Variants in EEF1D observed in about 807,000 individuals in gnomAD.
EEF1D encodes eukaryotic translation elongation factor 1 delta.
EEF1D carries 47 observed loss-of-function variants against 63.9 expected under a neutral mutation model. The observed-to-expected ratio is 0.74, with a 90% CI of 0.58 to 0.94. The LOEUF (loss-of-function observed/expected upper bound fraction) is 0.94. Among genes scored for constraint, EEF1D ranks in the 40% least tolerant of loss-of-function variants. The probability of loss-of-function intolerance (pLI) is 0.00; values close to 1 mark genes in which losing one functional copy is unlikely to be tolerated. For missense variants in EEF1D, 907 were observed against 899.0 expected (o/e 1.01, Z -0.11); for synonymous variants, 412 against 386.1 (o/e 1.07, Z -0.79).
intron 1 of EEF1D, 101 bp from the exon 2 acceptor site, chr8:143,592,761 T>C (rs1828186762): frequency 1.1e-6 from 1 of 948,302 alleles, no homozygotes; most frequent in Admixed American, 6.2e-5. Context: ...CGGGGGCCTT[T>C]CCAGAAGCTG....
At chr8:143,592,571 C>T (rs1047738090) in intron 2 of EEF1D, 76 bp downstream of exon 2, 12 of 981,188 alleles carry the variant, frequency 1.2e-5, no homozygotes, top group Non-Finnish European at 1.5e-5. Context: ...TGCTGGGTTC[C>T]CTCAGGTGCA....
At chr8:143,591,105 G>A (rs1445506172) in intron 2 of EEF1D, among the ~76,000 whole-genome samples, 1 of 152,222 alleles carries the variant, frequency 6.6e-6, no homozygotes, top group African/African-American at 2.4e-5. Flanking sequence ...CCTCCCAGCT[G>A]GAGTCCATAC....
rs756109944 is a variant in EEF1D at position 143,579,730 on chromosome 8, C to T, written c.*62G>A. The T allele has an allele frequency of 4.3e-5, 64 of 1,502,214 alleles. 2 individuals are homozygous for T. Among genetic ancestry groups the T allele is most frequent in the South Asian group, 3.3e-4 (24 of 73,824 alleles). The allele number at this position is 1,502,214 out of a possible 1,614,324, so 93.1% of individuals were successfully genotyped here. ...AATGACCAGGACGGAGCCAGAGGGC[C>T]GGTCTCAGTCTTTAATCGTGGCAGG... On this transcript the variant is annotated 3_prime_UTR_variant, in exon 10 of 10. Coordinates refer to ENST00000618139, the MANE Select transcript of EEF1D (RefSeq NM_001130053.5).
At chr8:143,587,253 A>G (rs768188344) in intron 3 of EEF1D, 92 of 156,556 alleles carry the variant, frequency 5.9e-4, no homozygotes, top group Non-Finnish European at 1.1e-3. Flanking sequence ...AGTATTTCTC[A>G]TAAAAAAAAA....
intron 5 of EEF1D, among the ~76,000 whole-genome samples, chr8:143,585,319 G>A (rs1027052178): frequency 2.6e-5 from 4 of 152,094 alleles, no homozygotes; most frequent in East Asian, 1.9e-4. Context: ...GAGGCGGGGC[G>A]GGGATGAGGC....
At chr8:143,590,179 G>A (rs750137117) in intron 2 of EEF1D, 98 bp from the exon 3 acceptor site, 13 of 1,243,580 alleles carry the variant, frequency 1.0e-5, no homozygotes, top group Non-Finnish European at 1.2e-5. Flanking sequence ...CGCCCTCCCC[G>A]TGGCTGCCCT....
intron 2 of EEF1D, chr8:143,590,401 G>A (rs1365401992): frequency 3.2e-6 from 2 of 628,474 alleles, no homozygotes; most frequent in Non-Finnish European, 5.4e-6. Context: ...TATGGCCCAT[G>A]AAGTATCTGA....
Position 143,586,807 on chromosome 8 carries a change from G to C in EEF1D, c.1137C>G (p.Phe379Leu), listed in dbSNP as rs149825864. ...CTGCGTCGTCATATTTGAACTTGTCGAACCAGATCTTCTCATGTGCTAGGA... is the reference window on the plus strand; with the variant it reads ...CTGCGTCGTCATATTTGAACTTGTCCAACCAGATCTTCTCATGTGCTAGGA... ...TNFLAHEKIW[F>L]DKFKYDDAER... The change falls in exon 4 of 10, where the codon TTC becomes TTG. Residue 379 changes from phenylalanine (F) to leucine (L), a missense_variant. Transcript: ENST00000618139. 2 of 1,614,182 alleles carry C rather than the reference G, an allele frequency of 1.2e-6. No individual in the cohort carries two copies. The highest frequency in any genetic ancestry group is 1.7e-6 in the Non-Finnish European group (2 of 1,180,024).
chr8:143,594,104 A>G (rs1158742167), intron 1 of EEF1D: 1 of 174,618 alleles, frequency 5.7e-6, no homozygotes, highest in Admixed American at 6.5e-5. Context: ...GCTGGCTGCC[A>G]GAGAAGCAGT....
At position 143,580,670 on chromosome 8, in the gene EEF1D, C is replaced by G. The variant is rs199818405; in HGVS notation, c.1546G>C (p.Glu516Gln). The change falls in exon 8 of 10, where the codon GAG becomes CAG. Residue 516 changes from glutamate (E) to glutamine (Q), a missense_variant. Physicochemically the swap from Glu to Gln is conservative, Grantham distance 29. Coordinates refer to ENST00000618139, the MANE Select transcript of EEF1D (RefSeq NM_001130053.5). ...TCAATGTCATCATCCTCGTCATCCT[C>G]TGCTGGTGTGGCTGGCTTCTTGGCT... ...PPAKKPATPA[E>Q]DDEDDDIDLF... 4.4e-5 allele frequency: 71 copies of G among 1,614,028 alleles called. No homozygotes were observed. In the African/African-American group the frequency reaches 8.3e-4, roughly 19 times the overall value.
At chr8:143,586,409 G>A in intron 4 of EEF1D, 119 bp from the exon 5 acceptor site, 4 of 1,010,124 alleles carry the variant, frequency 4.0e-6, no homozygotes, top group Non-Finnish European at 5.7e-6. Context: ...GTACTGCACA[G>A]AACGAGAGCT....
intron 7 of EEF1D, 102 bp from the exon 8 acceptor site, chr8:143,580,829 A>G: frequency 2.2e-6 from 3 of 1,385,830 alleles, no homozygotes; most frequent in Non-Finnish European, 3.0e-6. Flanking sequence ...TGACTGGAGG[A>G]AGGGCAGCCC....
chr8:143,588,578 C>T (rs1827171747), intron 3 of EEF1D, among the ~76,000 whole-genome samples: 1 of 152,206 alleles, frequency 6.6e-6, no homozygotes. Flanking sequence ...CACTGGCTCC[C>T]ACATCTCATC....
rs540105277 is a variant in EEF1D at position 143,589,173 on chromosome 8, G to A, written c.909C>T (p.Pro303=). The change falls in exon 3 of 10, where the codon CCC becomes CCT. Residue 303 remains proline, a synonymous_variant. Transcript: ENST00000618139. ...RADGEAPSAL[P]YCYFLQKDAE... ...CATCCTTCTGCAGGAAGTAACAGTA[G>A]GGCAAGGCAGAGGGGGCCTCCCCAT... The A allele has an allele frequency of 1.9e-6, 3 of 1,602,700 alleles. No individual in the cohort carries two copies. The highest frequency in any genetic ancestry group is 3.4e-5 in the Admixed American group (2 of 59,190).
In EEF1D at chr8:143,589,423, G is replaced by C. The variant is rs1439581317; in HGVS notation, c.659C>G (p.Pro220Arg). 1 of 1,530,858 alleles carries C rather than the reference G, an allele frequency of 6.5e-7. No homozygotes were observed. The highest frequency in any genetic ancestry group is 8.8e-7 in the Non-Finnish European group (1 of 1,133,570). The allele number at this position is 1,530,858 out of a possible 1,614,324, so 94.8% of individuals were successfully genotyped here. ...HQPSPPVNGQ[P>R]PLGSLQALVR... Reference sequence around the variant, plus strand: ...CAGTGCCTGCAGGCTGCCCAGCGGGGGCTGGCCATTGACCGGTGGGCTGGG... The same window carrying C: ...CAGTGCCTGCAGGCTGCCCAGCGGGCGCTGGCCATTGACCGGTGGGCTGGG... Residue 220 changes from proline (P) to arginine (R), a missense_variant, in exon 3 of 10, where the codon CCC becomes CGC. Transcript: ENST00000618139.
At chr8:143,580,795 ACCTCCTGGCCCTCCTCCCTC>A in intron 7 of EEF1D, 68 bp from the exon 8 acceptor site, 1 of 1,555,578 alleles carries the variant, frequency 6.4e-7, no homozygotes, top group Non-Finnish European at 8.8e-7. Flanking sequence ...CTGCCTGGCC[ACCTCCTGGCCCTCCTCCCTC>A]CTTTGACTGG....
chr8:143,594,254 C>T (rs879457734), intron 1 of EEF1D, among the ~76,000 whole-genome samples: 1 of 152,192 alleles, frequency 6.6e-6, no homozygotes, highest in Non-Finnish European at 1.5e-5. Flanking sequence ...CCTCTGGCAG[C>T]TGCCCAGAGT....
intron 5 of EEF1D, chr8:143,585,948 C>T: frequency 2.3e-6 from 1 of 442,966 alleles, no homozygotes; most frequent in Non-Finnish European, 4.0e-6. Context: ...CTGCAAATGG[C>T]ACCACTCAGC....
chr8:143,590,119 A>G (rs936299775), intron 2 of EEF1D, 38 bp from the exon 3 acceptor site: 1 of 1,597,940 alleles, frequency 6.3e-7, no homozygotes, highest in African/African-American at 1.3e-5. Flanking sequence ...CAGAGGGCAG[A>G]GTTGCAACAC....
Sources: allele counts gnomAD v4.1 joint callset (sites outside exome capture counted in the v4.1 genomes callset), GRCh38; gene constraint gnomAD v4.1.1; transcripts MANE v1.5; gene names NCBI Gene and HGNC (gene_info 2026-07-23, HGNC 2026-07-21).